The following CFAP74 variants were observed in gnomAD, a reference collection of about 807,000 sequenced individuals.
CFAP74 encodes cilia and flagella associated protein 74.
A neutral mutation model predicts 188.9 loss-of-function variants in CFAP74; 124 were observed. The ratio of observed to expected loss-of-function variants is 0.66; its 90% CI spans 0.57 to 0.76. CFAP74 has a LOEUF of 0.76. Ranked by LOEUF, CFAP74 falls within the 30% of genes least tolerant of loss-of-function variation. CFAP74 has a pLI of 0.00. For synonymous variants in CFAP74, 956 were observed against 916.7 expected (o/e 1.04, Z -0.77); for missense variants, 2,198 against 2,165.2 (o/e 1.02, Z -0.30).
At chr1:1,988,759 G>A (rs567132245) in intron 3 of CFAP74, 104 bp from the exon 4 acceptor site, 44 of 1,378,056 alleles carry the variant, frequency 3.2e-5, no homozygotes, top group Admixed American at 9.6e-5. Context: ...CTGCTTCAGG[G>A]CGGGAGCTGC....
intron 25 of CFAP74, among the ~76,000 whole-genome samples, chr1:1,935,655 G>T (rs1202257494): frequency 6.6e-6 from 1 of 151,980 alleles, no homozygotes; most frequent in African/African-American, 2.4e-5. Flanking sequence ...GGGGAGGGAG[G>T]GAGAACAAAG....
chr1:1,923,337 T>C lies in CFAP74; in HGVS notation c.4522+30A>G, dbSNP rs1188163150. 2 of 1,543,998 alleles carry C rather than the reference T, an allele frequency of 1.3e-6. No individual in the cohort carries two copies. The highest frequency in any genetic ancestry group is 1.2e-5 in the South Asian group (1 of 84,196). On this transcript the variant is annotated intron_variant, in intron 36 of 38. Coordinates refer to ENST00000682832, the MANE Select transcript of CFAP74 (RefSeq NM_001304360.2). This position sits in a 1 kb window ranked among gnomAD's most constrained non-coding sequence, Gnocchi z 6.3. ...GGGACAGGGGCACCGGGAGGCCCCG[T>C]GTCTGTTCCCTCCCTGGGGAGGGGC...
intron 2 of CFAP74, among the ~76,000 whole-genome samples, chr1:1,989,809 G>A (rs991624387): frequency 4.6e-5 from 7 of 152,146 alleles, no homozygotes; most frequent in Non-Finnish European, 7.4e-5. Context: ...TACCACACCC[G>A]GCCAGTGTTA....
chr1:1,964,385 G>A (rs1655309402), intron 13 of CFAP74, among the ~76,000 whole-genome samples: 1 of 152,252 alleles, frequency 6.6e-6, no homozygotes, highest in Non-Finnish European at 1.5e-5. Context: ...TGCTCAGACT[G>A]GCGTCCAGCC....
At chr1:1,966,619 G>A in intron 11 of CFAP74, 93 bp from the exon 12 acceptor site, 1 of 1,213,506 alleles carries the variant, frequency 8.2e-7, no homozygotes, top group Non-Finnish European at 1.1e-6. Flanking sequence ...ATGGCCCGCT[G>A]CCTGCCCCCG....
chr1:1,928,717 C>T (rs964811413), intron 27 of CFAP74, 67 bp downstream of exon 27: 11 of 1,227,990 alleles, frequency 9.0e-6, no homozygotes, highest in Admixed American at 4.1e-5. Flanking sequence ...GACTCGAAGG[C>T]GGTGGAGTTT....
intron 28 of CFAP74, 62 bp from the exon 29 acceptor site, chr1:1,927,090 G>A (rs1651968992): frequency 1.3e-6 from 2 of 1,540,708 alleles, no homozygotes; most frequent in Admixed American, 4.0e-5. Flanking sequence ...GCCCAGGCCG[G>A]ACCCCTGCGG....
intron 25 of CFAP74, among the ~76,000 whole-genome samples, chr1:1,934,832 CGTGT>C (rs1652739928): frequency 6.9e-6 from 1 of 144,672 alleles, no homozygotes; most frequent in African/African-American, 2.6e-5. Context: ...GTTGTAGGTA[CGTGT>C]GTACGTGGGT....
chr1:1,999,868 T>C (rs1298791089), intron 1 of CFAP74, among the ~76,000 whole-genome samples: 1 of 144,902 alleles, frequency 6.9e-6, no homozygotes, highest in Non-Finnish European at 1.5e-5. Flanking sequence ...CTAGGGAAAG[T>C]TAAAGAAAAC....
In CFAP74 at chr1:1,966,390, T is replaced by C; in HGVS notation, c.1382A>G (p.Glu461Gly). The C allele has an allele frequency of 6.3e-7, 1 of 1,582,982 alleles. No homozygotes were observed. The highest frequency in any genetic ancestry group is 8.6e-7 in the Non-Finnish European group (1 of 1,162,462). ...AEPEISGLWN[E>G]DYKPYQVPKE... Reference sequence around the variant, plus strand: ...TGATACCTGGTATGGCTTGTAGTCTTCATTCCAAAGCCCAGAGATCTCGGG... The same window carrying C: ...TGATACCTGGTATGGCTTGTAGTCTCCATTCCAAAGCCCAGAGATCTCGGG... The change falls in exon 12 of 39, where the codon GAA becomes GGA. Residue 461 changes from glutamate (E) to glycine (G), a missense_variant. By Grantham distance (98) the Glu-to-Gly change is moderately conservative (BLOSUM62 -2). Transcript: ENST00000682832.
chr1:1,960,828 G>A (rs879605545), intron 14 of CFAP74, among the ~76,000 whole-genome samples: 14 of 152,212 alleles, frequency 9.2e-5, no homozygotes, highest in East Asian at 5.8e-4. Context: ...GAGGGTGGAC[G>A]TGCGTGCCTC....
At chr1:1,956,595 C>T in intron 17 of CFAP74, 25 bp downstream of exon 17, 1 of 1,613,666 alleles carries the variant, frequency 6.2e-7, no homozygotes. Context: ...CCCCACACTC[C>T]CCCATGGCTG....
intron 22 of CFAP74, among the ~76,000 whole-genome samples, 153 bp downstream of exon 22, chr1:1,941,875 C>A (rs376750716): frequency 6.1e-4 from 93 of 152,380 alleles, no homozygotes; most frequent in South Asian, 2.7e-3. Context: ...TGTGACTGCC[C>A]CCCAGCGTCA....
chr1:1,931,932 G>A (rs1652416475), intron 25 of CFAP74, among the ~76,000 whole-genome samples: 1 of 151,302 alleles, frequency 6.6e-6, no homozygotes, highest in Admixed American at 6.6e-5. Context: ...TGGGCGTGGT[G>A]GCCGGTGCCT....
In CFAP74 at chr1:1,922,022, G is replaced by A. The variant is rs1158494839; in HGVS notation, c.*265C>T. On this transcript the variant is annotated 3_prime_UTR_variant, in exon 39 of 39. Transcript: ENST00000682832. Reference sequence around the variant, plus strand: ...TCTCCTGGGGGCTGGGGGCTCTGAGGGGGTCTGGCTAGGATGGCTGAGGGC... The same window carrying A: ...TCTCCTGGGGGCTGGGGGCTCTGAGAGGGTCTGGCTAGGATGGCTGAGGGC... 1 of 481,402 alleles carries A rather than the reference G, an allele frequency of 2.1e-6. No homozygotes were observed. The highest frequency in any genetic ancestry group is 3.7e-6 in the Non-Finnish European group (1 of 270,376). The allele number at this position is 481,402 out of a possible 1,614,324, so 29.8% of individuals were successfully genotyped here. A position where few individuals can be genotyped will look rare whatever the true frequency, so the allele number is the denominator to read the frequency against.
At chr1:1,983,144 G>A (rs886746233) in intron 6 of CFAP74, among the ~76,000 whole-genome samples, 53 of 152,182 alleles carry the variant, frequency 3.5e-4, no homozygotes, top group African/African-American at 1.2e-3. Context: ...CACGGAGGGG[G>A]AACGCTCCCC....
At position 1,923,130 on chromosome 1, in the gene CFAP74, C is replaced by G. The variant is rs771271974; in HGVS notation, c.4538G>C (p.Gly1513Ala). 6 of 1,608,820 alleles carry G rather than the reference C, an allele frequency of 3.7e-6. No homozygotes were observed. Among genetic ancestry groups the G allele is most frequent in the Non-Finnish European group, 5.1e-6 (6 of 1,178,708 alleles). Residue 1513 changes from glycine to alanine, a missense_variant, in exon 37 of 39, where the codon GGC becomes GCC. Physicochemically the swap from Gly to Ala is moderately conservative, Grantham distance 60. Transcript: ENST00000682832. This position sits in a 1 kb window ranked among gnomAD's most constrained non-coding sequence, Gnocchi z 6.3. ...PRHREASSRP[G>A]PLSPEAEELR... The stretch of plus-strand genomic sequence containing the variant: ...CTCCTCAGCTTCTGGAGAGAGAGGG[C>G]CTGGCCGGGAGCTGGCTGGAGGGGT...
chr1:1,925,666 T>C, intron 33 of CFAP74, 117 bp downstream of exon 33: 1 of 1,121,518 alleles, frequency 8.9e-7, no homozygotes, highest in Non-Finnish European at 1.3e-6. Context: ...GGGGGCCACC[T>C]GTGTCCCCAC....
At chr1:1,966,597 G>T in intron 11 of CFAP74, 71 bp from the exon 12 acceptor site, 1 of 1,345,436 alleles carries the variant, frequency 7.4e-7, no homozygotes, top group Non-Finnish European at 9.7e-7. Flanking sequence ...ACTCGGCCCA[G>T]CCCCCGCCGG....
Sources: gnomAD v4.1 joint callset for allele counts (sites outside exome capture counted in the v4.1 genomes callset) on GRCh38, gnomAD v4.1.1 for gene constraint, Gnocchi (gnomAD v3.1) non-coding constraint, MANE v1.5 for transcripts, NCBI Gene and HGNC (gene_info 2026-07-23, HGNC 2026-07-21) for gene names.